Variants in C10orf90 observed in about 807,000 individuals in gnomAD.
C10orf90 encodes (E2-independent) E3 ubiquitin-conjugating enzyme FATS.
Under a neutral mutation model 62.5 loss-of-function variants are expected in C10orf90, and 56 were observed. The ratio of observed to expected loss-of-function variants is 0.90; its 90% confidence interval spans 0.72 to 1.12. The LOEUF (loss-of-function observed/expected upper bound fraction) is 1.12, where lower values mean the gene tolerates loss of function less well. Ranked by LOEUF, C10orf90 falls within the 50% of genes most tolerant of loss-of-function variation. The pLI is 0.00. For synonymous variants in C10orf90, 386 were observed against 340.4 expected (o/e 1.13, Z -1.47); for missense variants, 970 against 880.4 (o/e 1.10, Z -1.29).
chr10:126,464,957 T>A lies in C10orf90; in HGVS notation c.1564A>T (p.Lys522Ter), dbSNP rs1444886580. The A allele has an allele frequency of 6.3e-7, 1 of 1,595,434 alleles. No homozygotes were observed. The highest frequency in any genetic ancestry group is 1.3e-5 in the African/African-American group (1 of 74,640). ...VHTKVFSGSS[K>*]RQQGEVCMTV... Reference sequence around the variant, plus strand: ...ATACATACTTCTCCTTGTTGCCTCTTGCTGCTTCCAGAAAATACTTTTGTG... The same window carrying A: ...ATACATACTTCTCCTTGTTGCCTCTAGCTGCTTCCAGAAAATACTTTTGTG... Residue 522 changes from lysine to a stop codon, truncating the protein, a stop_gained, in exon 5 of 10, where the codon AAG (lysine) becomes TAG (stop). Transcript: ENST00000488181. LOFTEE classifies it high-confidence loss of function.
At chr10:126,431,969 C>A (rs550536488) in intron 7 of C10orf90, among the ~76,000 whole-genome samples, 2 of 152,256 alleles carry the variant, frequency 1.3e-5, no homozygotes, top group South Asian at 4.2e-4. Flanking sequence ...CCCAGCAGCC[C>A]ATGTTAGGTG....
Position 126,548,470 on chromosome 10 carries a change from G to A in C10orf90, c.314-34531C>T, listed in dbSNP as rs368071185. ...CAATCTCCGCCTCCCAGGTTCAAGC[G>A]ATTCTCCTGCCTCTGCCTCCCCAGT... On this transcript the variant is annotated intron_variant, in intron 2 of 9. Transcript: ENST00000488181. Among the ~76,000 whole-genome samples the A allele has an allele frequency of 1.5e-3, 226 of 152,224 alleles. 2 individuals are homozygous for A. The highest frequency in any genetic ancestry group is 0.011 in the South Asian group (55 of 4,810).
At chr10:126,644,666 A>G (rs1376820215) in intron 2 of C10orf90, among the ~76,000 whole-genome samples, 1 of 152,222 alleles carries the variant, frequency 6.6e-6, no homozygotes, top group Non-Finnish European at 1.5e-5. Flanking sequence ...TTGATTCCTA[A>G]GCCATTAAAG....
chr10:126,571,547 A>G (rs2134004220), intron 2 of C10orf90, among the ~76,000 whole-genome samples: 1 of 152,334 alleles, frequency 6.6e-6, no homozygotes, highest in South Asian at 2.1e-4. Context: ...CACATGAATA[A>G]TGAATATACT....
chr10:126,566,390 G>A (rs7083158), intron 2 of C10orf90, among the ~76,000 whole-genome samples: 140,772 of 152,252 alleles, frequency 0.92, 65,286 homozygotes, highest in African/African-American at 0.96. Context: ...TTTACTCAGA[G>A]GAAGAGTATA....
chr10:126,616,029 G>A (rs1487387020), intron 2 of C10orf90, among the ~76,000 whole-genome samples: 1 of 152,228 alleles, frequency 6.6e-6, no homozygotes, highest in East Asian at 1.9e-4. Flanking sequence ...TAGAAGTGGA[G>A]CTGAGAACTG....
At chr10:126,572,595 C>T (rs1352427906) in intron 2 of C10orf90, among the ~76,000 whole-genome samples, 2 of 152,110 alleles carry the variant, frequency 1.3e-5, no homozygotes, top group African/African-American at 4.8e-5. Flanking sequence ...TGAGGACAAC[C>T]AGAGGTCACT....
At chr10:126,582,618 T>G (rs1844777025) in intron 2 of C10orf90, among the ~76,000 whole-genome samples, 1 of 152,148 alleles carries the variant, frequency 6.6e-6, no homozygotes, top group African/African-American at 2.4e-5. Flanking sequence ...GTGAGAGAGA[T>G]GGGGGCAAAT....
intron 2 of C10orf90, among the ~76,000 whole-genome samples, chr10:126,583,974 G>T (rs1459883530): frequency 6.6e-6 from 1 of 152,058 alleles, no homozygotes; most frequent in Non-Finnish European, 1.5e-5. Context: ...CAAAAAATTA[G>T]CAGGGCATGG....
chr10:126,539,342 T>C lies in C10orf90; in HGVS notation c.314-25403A>G, dbSNP rs933489592. 2.6e-5 allele frequency among the ~76,000 whole-genome samples: 4 copies of C among 152,170 alleles called. No homozygotes were observed. In the East Asian group the frequency reaches 5.8e-4, roughly 22 times the overall value. On this transcript the variant is annotated intron_variant, in intron 2 of 9. Transcript: ENST00000488181. ...AGGTGAATTTATACTGCAAACAAGG[T>C]CACTGTGTTTATAAAACTAAACATA...
chr10:126,500,344 C>T (rs912318194), intron 4 of C10orf90, among the ~76,000 whole-genome samples: 1 of 152,144 alleles, frequency 6.6e-6, no homozygotes, highest in Non-Finnish European at 1.5e-5. Flanking sequence ...CACCAATTGG[C>T]CACGTGGACT....
At chr10:126,470,577 A>AAAC (rs1564815589) in intron 4 of C10orf90, among the ~76,000 whole-genome samples, 1 of 149,912 alleles carries the variant, frequency 6.7e-6, no homozygotes, top group African/African-American at 2.5e-5. Flanking sequence ...TAAAAACTAA[A>AAAC]AAACAAACAA....
chr10:126,524,630 C>A (rs372816363), intron 2 of C10orf90: 2 of 985,456 alleles, frequency 2.0e-6, no homozygotes, highest in South Asian at 4.7e-5. Flanking sequence ...GGGAGGGGTC[C>A]AGACGGCAAG....
chr10:126,509,043 C>T (rs891308511), intron 3 of C10orf90, among the ~76,000 whole-genome samples: 7 of 152,106 alleles, frequency 4.6e-5, no homozygotes, highest in Admixed American at 1.3e-4. Flanking sequence ...GGCTGCAGGC[C>T]GGTACATCCC....
chr10:126,535,444 G>A (rs942434927), intron 2 of C10orf90, among the ~76,000 whole-genome samples: 1 of 151,718 alleles, frequency 6.6e-6, no homozygotes, highest in Non-Finnish European at 1.5e-5. Context: ...GTGAACCTGG[G>A]AGGTGGAGCT....
At chr10:126,558,978 A>G (rs1864840603) in intron 2 of C10orf90, among the ~76,000 whole-genome samples, 1 of 152,258 alleles carries the variant, frequency 6.6e-6, no homozygotes, top group African/African-American at 2.4e-5. Flanking sequence ...TACTGGAATG[A>G]CTGAGAAGCC....
chr10:126,599,271 C>T (rs996518860), intron 2 of C10orf90, among the ~76,000 whole-genome samples: 1 of 149,366 alleles, frequency 6.7e-6, no homozygotes. Flanking sequence ...CTGCAAGCTT[C>T]GCCTCCCGGG....
At chr10:126,513,790 A>G (rs1400899139) in intron 3 of C10orf90, 58 bp downstream of exon 3, 6 of 1,094,478 alleles carry the variant, frequency 5.5e-6, no homozygotes, top group Non-Finnish European at 8.4e-6. Context: ...GTCAGTGATT[A>G]TATTTTATAG....
At chr10:126,581,439 G>C (rs565816505) in intron 2 of C10orf90, among the ~76,000 whole-genome samples, 19 of 152,268 alleles carry the variant, frequency 1.2e-4, no homozygotes, top group African/African-American at 4.3e-4. Flanking sequence ...GGCTGGTCCT[G>C]TCATCATGCC....
Sources: gnomAD v4.1 joint callset for allele counts (sites outside exome capture counted in the v4.1 genomes callset) on GRCh38, gnomAD v4.1.1 for gene constraint, MANE v1.5 for transcripts, NCBI Gene and HGNC (gene_info 2026-07-23, HGNC 2026-07-21) for gene names.